IDO2: variants seen among roughly 807,000 people sequenced by gnomAD.
IDO2 encodes the protein indoleamine 2,3-dioxygenase 2, also known as indoleamine 2,3-dioxygenase-like 1 protein.
A neutral mutation model predicts 45.1 loss-of-function variants in IDO2; 46 were observed. The observed-to-expected ratio is 1.02, with a 90% confidence interval of 0.80 to 1.30. The LOEUF is 1.30. Among genes scored for constraint, IDO2 ranks in the 50% most tolerant of loss-of-function variants. The pLI, the probability that IDO2 is intolerant of heterozygous loss-of-function variation, is 0.00. For missense variants in IDO2, 544 were observed against 491.8 expected (o/e 1.11, Z -1.00); for synonymous variants, 218 against 184.9 (o/e 1.18, Z -1.45).
intron 8 of IDO2, among the ~76,000 whole-genome samples, chr8:39,990,221 C>T (rs1272989310): frequency 6.6e-6 from 1 of 152,192 alleles, no homozygotes; most frequent in African/African-American, 2.4e-5. Flanking sequence ...TCTGTAATGC[C>T]CCTTTTATTC....
chr8:39,961,740 A>T (rs1808000572), intron 2 of IDO2, among the ~76,000 whole-genome samples: 1 of 152,146 alleles, frequency 6.6e-6, no homozygotes, highest in Non-Finnish European at 1.5e-5. Context: ...TTTAAAAATG[A>T]ATTTACCACC....
intron 9 of IDO2, 117 bp from the exon 10 acceptor site, chr8:40,013,448 C>A: frequency 9.8e-7 from 1 of 1,019,902 alleles, no homozygotes; most frequent in South Asian, 1.6e-5. Context: ...AATCCCTCAC[C>A]CTAAAATTAC....
chr8:39,954,040 T>C (rs1319088868), intron 2 of IDO2, among the ~76,000 whole-genome samples: 1 of 152,238 alleles, frequency 6.6e-6, no homozygotes, highest in African/African-American at 2.4e-5. Context: ...TTTTCTATTC[T>C]TTCAAAATTT....
Position 39,949,184 on chromosome 8 carries a change from A to G in IDO2, c.19A>G (p.Asn7Asp), listed in dbSNP as rs1222198675. The G allele has an allele frequency of 4.4e-6, 7 of 1,608,702 alleles. No individual in the cohort carries two copies. In the South Asian group the frequency reaches 7.8e-5, roughly 18 times the overall value. ...CAAAATAATGGAGCCCCACAGACCG[A>G]ATGTGAAGACAGCAGTGCCATTGTC... Residue 7 changes from asparagine (N) to aspartate (D), a missense_variant, in exon 2 of 11, where the codon AAT becomes GAT. Coordinates refer to ENST00000502986, the Ensembl canonical transcript of IDO2.
exon 4 of IDO2, chr8:39,979,147 G>C (rs766835216): frequency 6.2e-7 from 1 of 1,601,918 alleles, no homozygotes; most frequent in African/African-American, 1.3e-5. Flanking sequence ...TCCTCACCAT[G>C]GGTTATGTCT....
intron 9 of IDO2, 103 bp from the exon 10 acceptor site, chr8:40,013,462 T>G: frequency 8.6e-7 from 1 of 1,167,318 alleles, no homozygotes; most frequent in Non-Finnish European, 1.2e-6. Context: ...AAATTACCAT[T>G]GAAATCATGT....
exon 5 of IDO2, chr8:39,982,718 C>T (rs768725065): frequency 1.2e-6 from 2 of 1,611,078 alleles, no homozygotes; most frequent in Non-Finnish European, 1.7e-6. Flanking sequence ...CCCTCCTATC[C>T]TGGTCCACTC....
chr8:39,964,731 G>T (rs1384905753), intron 3 of IDO2, among the ~76,000 whole-genome samples: 2 of 152,156 alleles, frequency 1.3e-5, no homozygotes, highest in Admixed American at 6.5e-5. Flanking sequence ...AAAATGTTGT[G>T]TTGACATGAC....
In IDO2 at chr8:39,958,725, A is replaced by G. The variant is rs538038816; in HGVS notation, c.100-4883A>G. ...CTCAGCCTCCCAAAGTGCTGGGATT[A>G]CAGGTGTGAGCCACTGGGCCTGGCA... On this transcript the variant is annotated intron_variant, in intron 2 of 10. Transcript: ENST00000502986. Among the ~76,000 whole-genome samples the G allele has an allele frequency of 1.3e-3, 202 of 152,292 alleles. 1 individual carries two copies. Among genetic ancestry groups the G allele is most frequent in the African/African-American group, 4.5e-3 (189 of 41,560 alleles).
chr8:39,939,377 T>C (rs1000375089), intron 1 of IDO2, among the ~76,000 whole-genome samples: 27 of 151,090 alleles, frequency 1.8e-4, no homozygotes, highest in African/African-American at 6.6e-4. Context: ...CAAAACCCTG[T>C]CTCTACTAAA....
At chr8:40,002,497 T>C (rs1200203613) in intron 8 of IDO2, among the ~76,000 whole-genome samples, 1 of 152,300 alleles carries the variant, frequency 6.6e-6, no homozygotes, top group Admixed American at 6.5e-5. Flanking sequence ...AGTTCCATTT[T>C]AAAAATCTAT....
intron 9 of IDO2, among the ~76,000 whole-genome samples, chr8:40,012,221 A>C (rs1418735572): frequency 6.6e-6 from 1 of 152,238 alleles, no homozygotes; most frequent in African/African-American, 2.4e-5. Context: ...AAAAATGTGC[A>C]ACATCAATGT....
exon 3 of IDO2, chr8:39,963,624 A>T (rs146026540): frequency 2.5e-6 from 4 of 1,608,564 alleles, no homozygotes; most frequent in African/African-American, 1.3e-5. Flanking sequence ...CTTCCAGATC[A>T]TTATAGGCCT....
chr8:40,002,302 G>T (rs1279101710), intron 8 of IDO2, among the ~76,000 whole-genome samples: 1 of 151,954 alleles, frequency 6.6e-6, no homozygotes, highest in African/African-American at 2.4e-5. Flanking sequence ...TGTTTTCTAG[G>T]CTCTCTGTTC....
intron 6 of IDO2, among the ~76,000 whole-genome samples, chr8:39,986,712 A>AGATAGAT (rs1554547850): frequency 1.3e-5 from 2 of 149,978 alleles, no homozygotes; most frequent in African/African-American, 5.1e-5. Flanking sequence ...ATAGATAGAT[A>AGATAGAT]GATAGACGGA....
At chr8:39,997,329 C>G (rs80169487) in intron 8 of IDO2, among the ~76,000 whole-genome samples, 3,209 of 152,056 alleles carry the variant, frequency 0.021, 54 homozygotes, top group Non-Finnish European at 0.032. Flanking sequence ...GAAGAATAAA[C>G]TCTCCTAGGA....
intron 9 of IDO2, among the ~76,000 whole-genome samples, chr8:40,009,262 A>G (rs558395147): frequency 1.3e-5 from 2 of 152,190 alleles, no homozygotes; most frequent in African/African-American, 4.8e-5. Flanking sequence ...TGATCTGCCC[A>G]CCTTGGTCCC....
chr8:40,005,493 C>G, intron 9 of IDO2, 115 bp downstream of exon 9: 1 of 549,414 alleles, frequency 1.8e-6, no homozygotes, highest in Non-Finnish European at 3.0e-6. Flanking sequence ...GTGACTCTTG[C>G]TAGGGATCCA....
chr8:39,984,050 A>C (rs1585410859), intron 5 of IDO2, among the ~76,000 whole-genome samples: 1 of 51,608 alleles, frequency 1.9e-5, no homozygotes, highest in Non-Finnish European at 3.2e-5. Context: ...TGGATGAAAA[A>C]AATAATATAT....
Sources: gnomAD v4.1 joint callset for allele counts (sites outside exome capture counted in the v4.1 genomes callset) on GRCh38, gnomAD v4.1.1 for gene constraint, MANE v1.5 for transcripts, NCBI Gene and HGNC (gene_info 2026-07-23, HGNC 2026-07-21) for gene names.